OVGP1: variants seen among roughly 807,000 people sequenced by gnomAD.
OVGP1 encodes oviductal glycoprotein 1, also known as oviduct-specific glycoprotein.
In OVGP1, 26 loss-of-function variants were observed where a neutral mutation model predicts 48.2. The observed-to-expected ratio is 0.54, with a 90% CI of 0.40 to 0.75. OVGP1 has a LOEUF of 0.75. OVGP1 is among the 30% of genes least tolerant of loss of function. The pLI is 0.00. For missense variants in OVGP1, 791 were observed against 820.6 expected (o/e 0.96, Z 0.44); for synonymous variants, 294 against 305.7 (o/e 0.96, Z 0.40).
chr1:111,425,522 T>G (rs1280798510), intron 3 of OVGP1, 83 bp from the exon 4 acceptor site: 2 of 1,593,366 alleles, frequency 1.3e-6, no homozygotes, highest in South Asian at 2.3e-5. Context: ...TTTTGCTCAT[T>G]GGAAGAAAAC....
At chr1:111,418,949 T>C (rs1313485326) in intron 9 of OVGP1, among the ~76,000 whole-genome samples, 1 of 152,142 alleles carries the variant, frequency 6.6e-6, no homozygotes, top group Non-Finnish European at 1.5e-5. Context: ...TTCAACTTCA[T>C]AAAATACCAC....
chr1:111,416,339 A>G lies in OVGP1; in HGVS notation c.1140T>C (p.Asp380=). The change falls in exon 10 of 11, where the codon GAT becomes GAC. Residue 380 remains aspartate (D), a synonymous_variant. Coordinates refer to ENST00000369732, the MANE Select transcript of OVGP1 (RefSeq NM_002557.4). The part of the protein sequence containing the change: ...GPFPLVYVLN[D]ILVRAEFSST... ...GCTACTTACCAGCCCGCACCAGGAT[A>G]TCATTCAATACGTAGACAAGGGGGA... 1 of 1,593,296 alleles carries G rather than the reference A, an allele frequency of 6.3e-7. No individual in the cohort carries two copies. The highest frequency in any genetic ancestry group is 2.3e-5 in the East Asian group (1 of 44,094).
At position 111,427,135 on chromosome 1, in the gene OVGP1, C is replaced by T. The variant is rs1057246154; in HGVS notation, c.26-44G>A. On this transcript the variant is annotated intron_variant, in intron 1 of 10. Transcript: ENST00000369732. ...GGAGTCACACAGAGATTCATACCCT[C>T]ACCAGAGTGGTATGGCACAGCACAC... 4.3e-6 allele frequency: 7 copies of T among 1,613,640 alleles called. No homozygotes were observed. The Admixed American group carries it at 1.2e-4, about 27-fold the overall frequency.
intron 4 of OVGP1, 101 bp downstream of exon 4, chr1:111,425,282 C>G: frequency 1.5e-6 from 2 of 1,372,666 alleles, no homozygotes; most frequent in African/African-American, 1.4e-5. Context: ...TTTGCGCTAG[C>G]TTTGCTGTCC....
At chr1:111,423,835 T>C (rs1652333719) in intron 4 of OVGP1, 127 bp from the exon 5 acceptor site, 2 of 849,902 alleles carry the variant, frequency 2.4e-6, no homozygotes, top group South Asian at 3.5e-5. Flanking sequence ...GGAAGGCAGA[T>C]TTCCAAAACT....
intron 2 of OVGP1, chr1:111,426,855 G>T: frequency 6.5e-7 from 1 of 1,548,448 alleles, no homozygotes; most frequent in South Asian, 1.2e-5. Context: ...TGAAATCCTG[G>T]TCAGAACAGA....
At chr1:111,416,614 T>C in intron 9 of OVGP1, 156 bp from the exon 10 acceptor site, 1 of 524,102 alleles carries the variant, frequency 1.9e-6, no homozygotes, top group Non-Finnish European at 3.2e-6. Flanking sequence ...TTATTAGCTA[T>C]GGGATCCTGA....
At chr1:111,417,108 G>C (rs917306677) in intron 9 of OVGP1, among the ~76,000 whole-genome samples, 2 of 152,198 alleles carry the variant, frequency 1.3e-5, no homozygotes, top group African/African-American at 4.8e-5. Flanking sequence ...CCATGCATAA[G>C]ATATTTGGAT....
intron 10 of OVGP1, among the ~76,000 whole-genome samples, chr1:111,415,788 G>A (rs1421534130): frequency 6.6e-6 from 1 of 152,138 alleles, no homozygotes; most frequent in African/African-American, 2.4e-5. Context: ...AGGAGGCTAG[G>A]GACAGCATGC....
At chr1:111,415,680 C>T (rs1652118408) in intron 10 of OVGP1, among the ~76,000 whole-genome samples, 1 of 152,100 alleles carries the variant, frequency 6.6e-6, no homozygotes, top group Non-Finnish European at 1.5e-5. Context: ...AAAACCTTGC[C>T]TCGAGGCCTA....
In OVGP1 at chr1:111,415,357, AAC is replaced by A; in HGVS notation, c.1157-15_1157-14del. On this transcript the variant is annotated splice_polypyrimidine_tract_variant and intron_variant, in intron 10 of 10. Transcript: ENST00000369732. ...GTTGAACTGAACTCTAGAGAAAATC[AAC>A]AGAAAAGAATGAGATTCCTACCACT... 6.3e-7 allele frequency: 1 copy of A among 1,594,188 alleles called. No homozygotes were observed. Among genetic ancestry groups the A allele is most frequent in the South Asian group, 1.1e-5 (1 of 88,888 alleles).
chr1:111,426,405 A>T, intron 3 of OVGP1, 32 bp downstream of exon 3: 1 of 1,613,542 alleles, frequency 6.2e-7, no homozygotes, highest in Non-Finnish European at 8.5e-7. Flanking sequence ...TGAAATCTGA[A>T]AATACAACCC....
At position 111,416,411 on chromosome 1, in the gene OVGP1, T is replaced by C. The variant is rs759022370; in HGVS notation, c.1068A>G (p.Thr356=). 6.2e-7 allele frequency: 1 copy of C among 1,608,160 alleles called. No homozygotes were observed. Among genetic ancestry groups the C allele is most frequent in the Admixed American group, 1.7e-5 (1 of 59,018 alleles). ...REHFGGAMVW[T]LDMDDVRGTF... is the part of the protein sequence containing the mutation. ...TGCCCCTGACGTCATCCATGTCCAA[T>C]GTCCACACCATGGCCCCCCCAAAAT... is the stretch of plus-strand genomic sequence containing the variant. The change falls in exon 10 of 11, where the codon ACA becomes ACG. Residue 356 remains threonine (T), a synonymous_variant. Transcript: ENST00000369732.
rs181469576 is a variant in OVGP1, at chr1:111,416,554, T to C, written c.1021-96A>G. The C allele has an allele frequency of 2.6e-6, 3 of 1,140,620 alleles. No homozygotes were observed. The African/African-American group carries it at 4.6e-5, about 18-fold the overall frequency. The allele number at this position is 1,140,620 out of a possible 1,614,324, so 70.7% of individuals were successfully genotyped here. On this transcript the variant is annotated intron_variant, in intron 9 of 10. Transcript: ENST00000369732. The stretch of plus-strand genomic sequence containing the variant: ...GAAGATAGTCCCTCAGGAAGCAATG[T>C]AGCTGGGTGGTTAGGAGTGTAGCCA...
chr1:111,416,422 T>G lies in OVGP1; in HGVS notation c.1057A>C (p.Met353Leu). 1 of 1,606,758 alleles carries G rather than the reference T, an allele frequency of 6.2e-7. No individual in the cohort carries two copies. Among genetic ancestry groups the G allele is most frequent in the Non-Finnish European group, 8.5e-7 (1 of 1,176,592 alleles). ...TCATCCATGTCCAATGTCCACACCA[T>G]GGCCCCCCCAAAATGCTCTCGCCTT... ...FIRREHFGGA[M>L]VWTLDMDDVR... The change falls in exon 10 of 11, where the codon ATG becomes CTG. Residue 353 changes from methionine (M) to leucine (L), a missense_variant. Met to Leu is a conservative substitution (Grantham distance 15). Transcript: ENST00000369732.
chr1:111,414,714 T>C lies in OVGP1; in HGVS notation c.1787A>G (p.Asn596Ser). Residue 596 changes from asparagine to serine, a missense_variant, in exon 11 of 11, where the codon AAT becomes AGT. Coordinates refer to ENST00000369732, the MANE Select transcript of OVGP1 (RefSeq NM_002557.4). ...EGQTMPLRGE[N>S]LTSEVGTHPR... is the part of the protein sequence containing the mutation. The stretch of plus-strand genomic sequence containing the variant: ...GTGAGTGCCCACCTCAGAAGTCAAA[T>C]TCTCCCCTCTTAAAGGCATAGTCTG... 2.5e-6 allele frequency: 4 copies of C among 1,613,804 alleles called. No homozygotes were observed. Among genetic ancestry groups the C allele is most frequent in the South Asian group, 1.1e-5 (1 of 91,068 alleles).
intron 8 of OVGP1, 54 bp from the exon 9 acceptor site, chr1:111,419,780 A>C: frequency 9.8e-7 from 1 of 1,024,138 alleles, no homozygotes; most frequent in South Asian, 1.3e-5. Context: ...GATAAGCACC[A>C]AGAGACAGTT....
intron 6 of OVGP1, among the ~76,000 whole-genome samples, chr1:111,422,416 T>C (rs916728250): frequency 6.6e-6 from 1 of 152,248 alleles, no homozygotes; most frequent in Non-Finnish European, 1.5e-5. Context: ...CTAGAAAATA[T>C]ACCTAGAGAT....
chr1:111,426,486 G>C lies in OVGP1; in HGVS notation c.211C>G (p.Leu71Val), dbSNP rs751417431. 2 of 1,614,124 alleles carry C rather than the reference G, an allele frequency of 1.2e-6. No homozygotes were observed. The highest frequency in any genetic ancestry group is 2.2e-5 in the East Asian group (1 of 44,876). ...GGGTAGAGAATTTTCTCATCCTGGAGATCCTTAGCAACAATCTGATTGTTG... is the reference window on the plus strand; with the variant it reads ...GGGTAGAGAATTTTCTCATCCTGGACATCCTTAGCAACAATCTGATTGTTG... Reference protein sequence around the residue: ...MNNNQIVAKDLQDEKILYPEF... With the variant: ...MNNNQIVAKDVQDEKILYPEF... The change falls in exon 3 of 11, where the codon CTC (leucine) becomes GTC (valine). Residue 71 changes from leucine to valine, a missense_variant. Transcript: ENST00000369732.
Sources: allele counts gnomAD v4.1 joint callset (sites outside exome capture counted in the v4.1 genomes callset), GRCh38; gene constraint gnomAD v4.1.1; transcripts MANE v1.5; gene names NCBI Gene and HGNC (gene_info 2026-07-23, HGNC 2026-07-21).